Variants in PDZD8 observed in about 807,000 individuals in gnomAD.
The protein encoded by PDZD8 is PDZ domain containing 8.
PDZD8 carries 14 observed loss-of-function variants against 85.8 expected under a neutral mutation model. The ratio of observed to expected loss-of-function variants is 0.16; its 90% CI spans 0.11 to 0.26. The LOEUF is 0.26. Among genes scored for constraint, PDZD8 ranks in the 10% least tolerant of loss-of-function variants. PDZD8 has a pLI of 1.00. For missense variants in PDZD8, 1,197 were observed against 1,424.3 expected (o/e 0.84, Z 2.57); for synonymous variants, 592 against 568.6 (o/e 1.04, Z -0.59).
chr10:117,374,862 C>T lies in PDZD8; in HGVS notation c.366G>A (p.Lys122=). ...GCAGCTCCTCGAACTCCACCTTGATCTTCTTGGTGACCCAGCGGCGGGTCA... is the reference window on the plus strand; with the variant it reads ...GCAGCTCCTCGAACTCCACCTTGATTTTCTTGGTGACCCAGCGGCGGGTCA... The part of the protein sequence containing the change: ...TALTRRWVTK[K]IKVEFEELLQ... The change falls in exon 1 of 5, where the codon AAG becomes AAA. Residue 122 remains lysine (K), a synonymous_variant. Transcript: ENST00000334464. The surrounding 1 kb of genome is among the most constrained non-coding windows in gnomAD (Gnocchi z 7.8). 1 of 1,613,738 alleles carries T rather than the reference C, an allele frequency of 6.2e-7. No homozygotes were observed.
At chr10:117,333,130 A>C (rs868332778) in intron 2 of PDZD8, among the ~76,000 whole-genome samples, 2 of 149,036 alleles carry the variant, frequency 1.3e-5, no homozygotes, top group Non-Finnish European at 3.0e-5. Context: ...AAAAAAAAAA[A>C]AAAAAAAAAA....
rs1210466921 is a variant in PDZD8 at position 117,356,631 on chromosome 10, C to A, written c.873-15529G>T. On this transcript the variant is annotated intron_variant, in intron 1 of 4. Coordinates refer to ENST00000334464, the MANE Select transcript of PDZD8 (RefSeq NM_173791.5). ...TTATTGTTATTCCTGACCGCATTTA[C>A]AAAAGCTAAATTAGGCTGGTGTGAT... Among the ~76,000 whole-genome samples the A allele has an allele frequency of 3.9e-5, 6 of 152,226 alleles. No individual in the cohort carries two copies. The South Asian group carries it at 8.3e-4, about 21-fold the overall frequency.
At chr10:117,295,929 G>A (rs1490968104) in intron 3 of PDZD8, among the ~76,000 whole-genome samples, 1 of 151,874 alleles carries the variant, frequency 6.6e-6, no homozygotes, top group East Asian at 1.9e-4. Flanking sequence ...TCAGTAACAA[G>A]GCAAGGATTT....
chr10:117,339,491 T>C (rs1019838290), intron 2 of PDZD8, among the ~76,000 whole-genome samples: 4 of 152,212 alleles, frequency 2.6e-5, no homozygotes, highest in African/African-American at 9.6e-5. Context: ...AAGTAGGGAA[T>C]GGCAAACTAC....
intron 2 of PDZD8, among the ~76,000 whole-genome samples, chr10:117,328,733 C>T (rs1381334686): frequency 6.6e-6 from 1 of 152,106 alleles, no homozygotes; most frequent in African/African-American, 2.4e-5. Context: ...TTTGCCAATG[C>T]CCAGTGGGAG....
chr10:117,356,040 T>G (rs1844888780), intron 1 of PDZD8, among the ~76,000 whole-genome samples: 1 of 152,090 alleles, frequency 6.6e-6, no homozygotes, highest in Non-Finnish European at 1.5e-5. Flanking sequence ...ATAGGAGCCT[T>G]AAGTCTTAGA....
chr10:117,318,842 T>C (rs972676335), intron 3 of PDZD8, 30 bp downstream of exon 3: 12 of 1,441,484 alleles, frequency 8.3e-6, no homozygotes, highest in African/African-American at 4.3e-5. Context: ...GAACTTTATA[T>C]AGATATAAAT....
chr10:117,304,247 TA>T (rs1843894595), intron 3 of PDZD8, among the ~76,000 whole-genome samples: 1 of 152,204 alleles, frequency 6.6e-6, no homozygotes, highest in African/African-American at 2.4e-5. Flanking sequence ...TTTGGAGCTT[TA>T]AAATTTGACT....
In PDZD8 at chr10:117,284,699, T is replaced by C. The variant is rs1418897503; in HGVS notation, c.2034A>G (p.Thr678=). 5.6e-6 allele frequency: 9 copies of C among 1,614,100 alleles called. No homozygotes were observed. The highest frequency in any genetic ancestry group is 2.5e-6 in the Non-Finnish European group (3 of 1,180,030). The stretch of plus-strand genomic sequence containing the variant: ...GATAAAGAATTTCTGATGATTCCCA[T>C]GTTTGACGGTCGTCCGAACTGTCCT... ...PTKDSSDDRQ[T]WESSEILYRN... is the part of the protein sequence containing the mutation. Residue 678 remains threonine (T), a synonymous_variant, in exon 5 of 5, where the codon ACA becomes ACG. Coordinates refer to ENST00000334464, the MANE Select transcript of PDZD8 (RefSeq NM_173791.5).
intron 2 of PDZD8, among the ~76,000 whole-genome samples, chr10:117,338,829 C>A (rs1787529004): frequency 6.6e-6 from 1 of 152,132 alleles, no homozygotes; most frequent in South Asian, 2.1e-4. Flanking sequence ...GTGAGCAGTA[C>A]TGCAGGTAAA....
chr10:117,347,868 CCATT>C (rs1264797310), intron 1 of PDZD8, among the ~76,000 whole-genome samples: 1 of 152,070 alleles, frequency 6.6e-6, no homozygotes, highest in East Asian at 1.9e-4. Context: ...TTATATGACT[CCATT>C]CATATGAAAA....
intron 1 of PDZD8, among the ~76,000 whole-genome samples, chr10:117,351,024 T>G (rs543543434): frequency 2.0e-5 from 3 of 152,330 alleles, no homozygotes; most frequent in Admixed American, 1.3e-4. Context: ...GATTTTTAAG[T>G]TACATGCATT....
intron 1 of PDZD8, among the ~76,000 whole-genome samples, chr10:117,355,939 G>A (rs1168189430): frequency 6.6e-6 from 1 of 151,946 alleles, no homozygotes; most frequent in Non-Finnish European, 1.5e-5. Context: ...TACCATTAAG[G>A]TATATCATGT....
At chr10:117,323,938 A>AAAAGACAG (rs1388808654) in intron 2 of PDZD8, among the ~76,000 whole-genome samples, 1 of 152,092 alleles carries the variant, frequency 6.6e-6, no homozygotes, top group East Asian at 1.9e-4. Flanking sequence ...TAAAAAAGAC[A>AAAAGACAG]AAAGACAGGC....
At chr10:117,296,284 G>A (rs1399010933) in intron 3 of PDZD8, among the ~76,000 whole-genome samples, 1 of 152,018 alleles carries the variant, frequency 6.6e-6, no homozygotes, top group Non-Finnish European at 1.5e-5. Flanking sequence ...TAAGTTTAAT[G>A]AAAGATGTGT....
At chr10:117,340,901 A>G (rs1589578008) in intron 2 of PDZD8, 79 bp downstream of exon 2, 2 of 1,481,766 alleles carry the variant, frequency 1.3e-6, no homozygotes, top group East Asian at 4.6e-5. Context: ...AAATGAACAC[A>G]CAACACAAAT....
At chr10:117,289,950 T>C (rs1239041844) in intron 4 of PDZD8, among the ~76,000 whole-genome samples, 1 of 152,200 alleles carries the variant, frequency 6.6e-6, no homozygotes, top group Non-Finnish European at 1.5e-5. Flanking sequence ...AAAAGTGGTC[T>C]AAACAAAGTA....
chr10:117,357,762 T>A, intron 1 of PDZD8, among the ~76,000 whole-genome samples: 1 of 54,514 alleles, frequency 1.8e-5, no homozygotes, highest in Non-Finnish European at 3.1e-5. Flanking sequence ...CAAGACTTCA[T>A]CTCCAAAAAA....
Position 117,285,101 on chromosome 10 carries a change from T to G in PDZD8, c.1632A>C (p.Lys544Asn), listed in dbSNP as rs766078575. The change falls in exon 5 of 5, where the codon AAA (lysine) becomes AAC (asparagine). Residue 544 changes from lysine to asparagine, a missense_variant. Coordinates refer to ENST00000334464, the MANE Select transcript of PDZD8 (RefSeq NM_173791.5). The part of the protein sequence containing the change: ...LGAISPVLNR[K>N]LAVGSHPLPP... ...GTAGTGGGTGACTTCCTACAGCTAA[T>G]TTACGGTTTAAAACTGGTGATATAG... The G allele has an allele frequency of 3.1e-6, 5 of 1,614,010 alleles. No homozygotes were observed. The highest frequency in any genetic ancestry group is 4.2e-6 in the Non-Finnish European group (5 of 1,179,974).
Sources: allele counts gnomAD v4.1 joint callset (sites outside exome capture counted in the v4.1 genomes callset), GRCh38; gene constraint gnomAD v4.1.1; non-coding constraint Gnocchi (gnomAD v3.1); transcripts MANE v1.5; gene names NCBI Gene and HGNC (gene_info 2026-07-23, HGNC 2026-07-21).